The following CPHXL2 variants were observed in gnomAD, a reference collection of about 807,000 sequenced individuals.
CPHXL2 encodes cytoplasmic polyadenylated homeobox like 2.
At chr16:75,672,777 C>A in the CPHXL2 span, among the ~76,000 whole-genome samples, 1 of 152,112 alleles carries the variant, frequency 6.6e-6, no homozygotes, top group Admixed American at 6.6e-5. Context: ...GCGTGAGCCA[C>A]CACACCCAGC....
the CPHXL2 span, among the ~76,000 whole-genome samples, chr16:75,671,060 G>A: frequency 2.6e-5 from 4 of 152,094 alleles, no homozygotes; most frequent in African/African-American, 9.7e-5. Flanking sequence ...CACTTTCCCA[G>A]GGAGTCCTAC....
chr16:75,676,503 G>A, the CPHXL2 span, among the ~76,000 whole-genome samples: 12 of 151,986 alleles, frequency 7.9e-5, no homozygotes, highest in Non-Finnish European at 1.5e-4. Context: ...TATTTCTTTT[G>A]TAGAAATAGG....
At chr16:75,661,811 ACT>A in the CPHXL2 span, among the ~76,000 whole-genome samples, 2 of 152,120 alleles carry the variant, frequency 1.3e-5, no homozygotes, top group African/African-American at 2.4e-5. Context: ...TTGTTGTATG[ACT>A]CTGTGAGGAG....
chr16:75,661,362 C>T, the CPHXL2 span: 5 of 397,180 alleles, frequency 1.3e-5, no homozygotes, highest in Non-Finnish European at 2.2e-5. Flanking sequence ...AAGCAGAGTC[C>T]CTGACTTGCC....
At chr16:75,662,447 G>A in the CPHXL2 span, among the ~76,000 whole-genome samples, 1 of 151,676 alleles carries the variant, frequency 6.6e-6, no homozygotes, top group African/African-American at 2.4e-5. Context: ...AGAAGTTGGA[G>A]GGTGGGGCTG....
At chr16:75,663,911 TAAA>T in the CPHXL2 span, among the ~76,000 whole-genome samples, 1 of 132,686 alleles carries the variant, frequency 7.5e-6, no homozygotes, top group South Asian at 2.4e-4. Flanking sequence ...AAAAGAAACA[TAAA>T]ACATACTCTT....
the CPHXL2 span, among the ~76,000 whole-genome samples, chr16:75,663,864 C>T: frequency 2.3e-5 from 3 of 130,002 alleles, no homozygotes; most frequent in East Asian, 4.7e-4. Context: ...CCAGCCTGGG[C>T]GACAGAGCAA....
chr16:75,675,084 G>A, the CPHXL2 span, among the ~76,000 whole-genome samples: 30 of 150,360 alleles, frequency 2.0e-4, no homozygotes, highest in East Asian at 6.2e-3. Context: ...AGCTACTCAG[G>A]AGGCTTAGGC....
At chr16:75,663,036 A>G in the CPHXL2 span, among the ~76,000 whole-genome samples, 1 of 152,094 alleles carries the variant, frequency 6.6e-6, no homozygotes, top group Admixed American at 6.5e-5. Context: ...TCCTGACCTC[A>G]TGATCCGCCC....
At chr16:75,674,649 A>G in the CPHXL2 span, among the ~76,000 whole-genome samples, 20 of 152,134 alleles carry the variant, frequency 1.3e-4, no homozygotes, top group Non-Finnish European at 2.4e-4. Flanking sequence ...ATAATCTTGA[A>G]AAAGAACAAA....
the CPHXL2 span, among the ~76,000 whole-genome samples, chr16:75,676,715 C>A: frequency 6.6e-6 from 1 of 152,222 alleles, no homozygotes; most frequent in African/African-American, 2.4e-5. Flanking sequence ...AGATTTTTTA[C>A]CTTTTAATAA....
At chr16:75,676,203 C>G in the CPHXL2 span, among the ~76,000 whole-genome samples, 1 of 152,106 alleles carries the variant, frequency 6.6e-6, no homozygotes, top group Non-Finnish European at 1.5e-5. Flanking sequence ...CAACTGTTTT[C>G]AAAGAAAGAG....
chr16:75,661,330 T>C, the CPHXL2 span: 1 of 398,546 alleles, frequency 2.5e-6, no homozygotes, highest in African/African-American at 2.1e-5. Flanking sequence ...TGTAGGAGGC[T>C]TTTTCTTTTT....
the CPHXL2 span, among the ~76,000 whole-genome samples, chr16:75,667,235 C>T: frequency 1.3e-5 from 2 of 150,800 alleles, no homozygotes; most frequent in African/African-American, 2.5e-5. Context: ...TTGCTTGAAC[C>T]CGGGAGGTGG....
chr16:75,660,929 C>T, the CPHXL2 span: 1 of 398,668 alleles, frequency 2.5e-6, no homozygotes, highest in Non-Finnish European at 4.4e-6. Flanking sequence ...GACTGGGAAT[C>T]CCTTGTTTCT....
At chr16:75,675,705 G>A in the CPHXL2 span, among the ~76,000 whole-genome samples, 4 of 152,100 alleles carry the variant, frequency 2.6e-5, no homozygotes, top group Non-Finnish European at 5.9e-5. Context: ...AGTTTTTATG[G>A]TTGGGCCATT....
chr16:75,668,178 A>C, the CPHXL2 span, among the ~76,000 whole-genome samples: 1 of 151,942 alleles, frequency 6.6e-6, no homozygotes, highest in Non-Finnish European at 1.5e-5. Context: ...TATGTGATGA[A>C]ATGCTATATA....
At chr16:75,663,331 A>G in the CPHXL2 span, among the ~76,000 whole-genome samples, 7 of 152,228 alleles carry the variant, frequency 4.6e-5, no homozygotes, top group African/African-American at 1.7e-4. Flanking sequence ...AAAATTACAC[A>G]TATTTTAGAG....
chr16:75,666,072 G>C, the CPHXL2 span, among the ~76,000 whole-genome samples: 1 of 152,088 alleles, frequency 6.6e-6, no homozygotes, highest in African/African-American at 2.4e-5. Context: ...TAAACTTAAG[G>C]TAAAGGGGTG....
Sources: allele counts gnomAD v4.1 joint callset (sites outside exome capture counted in the v4.1 genomes callset), GRCh38; gene constraint gnomAD v4.1.1; transcripts MANE v1.5; gene names NCBI Gene and HGNC (gene_info 2026-07-23, HGNC 2026-07-21).